PEPD: variants seen among roughly 807,000 people sequenced by gnomAD.
The protein encoded by PEPD is peptidase D.
Under a neutral mutation model 60.7 loss-of-function variants are expected in PEPD, and 53 were observed. The ratio of observed to expected loss-of-function variants is 0.87; its 90% confidence interval spans 0.70 to 1.10. The LOEUF is 1.10. Among genes scored for constraint, PEPD ranks in the 50% least tolerant of loss-of-function variants. The pLI is 0.00. For missense variants in PEPD, 711 were observed against 711.9 expected, an observed-to-expected ratio of 1.00 and a Z score of 0.01; for synonymous variants, 267 against 284.1, an observed-to-expected ratio of 0.94 and a Z score of 0.60.
At chr19:33,415,562 T>C (rs1968873042) in intron 9 of PEPD, among the ~76,000 whole-genome samples, 2 of 152,018 alleles carry the variant, frequency 1.3e-5, no homozygotes, top group African/African-American at 4.8e-5. Context: ...GGGGAGGCAG[T>C]GAGGAAACTT....
intron 4 of PEPD, among the ~76,000 whole-genome samples, chr19:33,496,542 C>G (rs920777298): frequency 3.3e-5 from 5 of 152,244 alleles, no homozygotes; most frequent in African/African-American, 1.2e-4. Context: ...CACACCCTGA[C>G]TCCGTGCCTC....
At chr19:33,516,966 A>G (rs1971033984) in intron 1 of PEPD, among the ~76,000 whole-genome samples, 1 of 150,686 alleles carries the variant, frequency 6.6e-6, no homozygotes, top group South Asian at 2.2e-4. Context: ...GCACTGCGGG[A>G]GGCAGGAATT....
intron 9 of PEPD, among the ~76,000 whole-genome samples, chr19:33,448,509 T>G (rs1010493017): frequency 6.6e-6 from 1 of 152,022 alleles, no homozygotes; most frequent in African/African-American, 2.4e-5. Context: ...GGTAGTGGCA[T>G]GCAAAACAGA....
At chr19:33,391,618 C>T (rs1447711261) in intron 12 of PEPD, 139 bp from the exon 13 acceptor site, 5 of 785,294 alleles carry the variant, frequency 6.4e-6, no homozygotes, top group East Asian at 5.3e-5. Flanking sequence ...AAGGGTACTA[C>T]ATCGGGGGCC....
chr19:33,462,681 T>G (rs1969948225), intron 9 of PEPD, among the ~76,000 whole-genome samples: 1 of 152,222 alleles, frequency 6.6e-6, no homozygotes, highest in South Asian at 2.1e-4. Flanking sequence ...TACTGGCGGC[T>G]TTCAGAGTCA....
intron 9 of PEPD, 162 bp downstream of exon 9, chr19:33,462,833 A>G: frequency 1.4e-6 from 1 of 706,902 alleles, no homozygotes; most frequent in African/African-American, 1.7e-5. Context: ...AGGCGGGCGC[A>G]GTCAGAAGAA....
At chr19:33,510,133 C>T (rs370454223) in intron 3 of PEPD, among the ~76,000 whole-genome samples, 111 of 152,280 alleles carry the variant, frequency 7.3e-4, no homozygotes, top group African/African-American at 2.4e-3. Context: ...TTTTCACAGA[C>T]GGAGAAGCTA....
chr19:33,473,044 T>C (rs1250701247), intron 7 of PEPD, among the ~76,000 whole-genome samples: 1 of 152,082 alleles, frequency 6.6e-6, no homozygotes, highest in Non-Finnish European at 1.5e-5. Context: ...GCGAGCTGAG[T>C]GTGCCTGAAA....
intron 3 of PEPD, among the ~76,000 whole-genome samples, chr19:33,506,053 CCCA>C (rs1178436424): frequency 1.4e-5 from 2 of 145,352 alleles, no homozygotes; most frequent in Non-Finnish European, 3.0e-5. Flanking sequence ...CACACTCCCA[CCCA>C]CCACACCCCC....
At chr19:33,510,031 C>A (rs557361376) in intron 3 of PEPD, among the ~76,000 whole-genome samples, 1 of 152,250 alleles carries the variant, frequency 6.6e-6, no homozygotes, top group South Asian at 2.1e-4. Context: ...CGATCCAAAC[C>A]CAACCCACCA....
intron 9 of PEPD, among the ~76,000 whole-genome samples, chr19:33,423,703 A>G (rs1214711520): frequency 1.3e-5 from 2 of 152,236 alleles, no homozygotes; most frequent in East Asian, 3.8e-4. Flanking sequence ...TAAGGGATTT[A>G]TACAGGAAGA....
intron 9 of PEPD, among the ~76,000 whole-genome samples, chr19:33,460,156 C>T (rs1264355638): frequency 2.0e-5 from 3 of 152,196 alleles, no homozygotes; most frequent in African/African-American, 4.8e-5. Flanking sequence ...CTCAAGTTCC[C>T]AGTGACACAG....
intron 14 of PEPD, 121 bp downstream of exon 14, chr19:33,387,769 A>T: frequency 1.1e-6 from 1 of 885,600 alleles, no homozygotes; most frequent in Non-Finnish European, 1.8e-6. Flanking sequence ...ACGAAGGGGC[A>T]GGCTAAGCCC....
intron 9 of PEPD, among the ~76,000 whole-genome samples, chr19:33,450,778 CA>C (rs1215012671): frequency 6.6e-6 from 1 of 152,124 alleles, no homozygotes; most frequent in African/African-American, 2.4e-5. Context: ...AAAACTGAGG[CA>C]GGAGGCGGGA....
chr19:33,387,991 T>A lies in PEPD; in HGVS notation c.1243A>T (p.Ile415Phe). 1.3e-6 allele frequency: 2 copies of A among 1,586,994 alleles called. No homozygotes were observed. Among genetic ancestry groups the A allele is most frequent in the Non-Finnish European group, 1.7e-6 (2 of 1,167,168 alleles). The change falls in exon 14 of 15, where the codon ATC becomes TTC. Residue 415 changes from isoleucine (I) to phenylalanine (F), a missense_variant. Physicochemically the swap from Ile to Phe is conservative, Grantham distance 21. Coordinates refer to ENST00000244137, the MANE Select transcript of PEPD (RefSeq NM_000285.4). ...PGMVLTVEPG[I>F]YFIDHLLDEA... Reference sequence around the variant, plus strand: ...TCCAGGAGGTGGTCGATGAAGTAGATGCCCGGCTCCACGGTGAGCACCATG... The same window carrying A: ...TCCAGGAGGTGGTCGATGAAGTAGAAGCCCGGCTCCACGGTGAGCACCATG...
intron 7 of PEPD, among the ~76,000 whole-genome samples, chr19:33,475,713 C>G (rs1049655613): frequency 6.6e-6 from 1 of 152,154 alleles, no homozygotes; most frequent in Non-Finnish European, 1.5e-5. Flanking sequence ...AAGGGAATGT[C>G]CCATGTGAGG....
At chr19:33,389,438 G>A (rs533141705) in intron 13 of PEPD, among the ~76,000 whole-genome samples, 1 of 151,016 alleles carries the variant, frequency 6.6e-6, no homozygotes, top group South Asian at 2.1e-4. Context: ...GCTGCTGGGG[G>A]TCCCAGGGTC....
intron 11 of PEPD, among the ~76,000 whole-genome samples, chr19:33,410,143 G>A (rs1010574695): frequency 2.6e-5 from 4 of 152,222 alleles, no homozygotes; most frequent in Non-Finnish European, 1.5e-5. Flanking sequence ...GGCCCAGCGC[G>A]CAGTGGGTGG....
At chr19:33,428,933 C>T (rs368997066) in intron 9 of PEPD, among the ~76,000 whole-genome samples, 12 of 152,216 alleles carry the variant, frequency 7.9e-5, no homozygotes, top group African/African-American at 2.7e-4. Context: ...CACAGGCAGC[C>T]GAAACCCTGT....
Sources: allele counts gnomAD v4.1 joint callset (sites outside exome capture counted in the v4.1 genomes callset), GRCh38; gene constraint gnomAD v4.1.1; transcripts MANE v1.5; gene names NCBI Gene and HGNC (gene_info 2026-07-23, HGNC 2026-07-21).